The following VPS13B variants were observed in gnomAD, a reference collection of about 807,000 sequenced individuals.
VPS13B encodes the protein intermembrane lipid transfer protein VPS13B.
In VPS13B, 285 loss-of-function variants were observed where a neutral mutation model predicts 426.4. That is an observed-to-expected ratio of 0.67 (90% CI 0.61 to 0.74). The LOEUF (loss-of-function observed/expected upper bound fraction) is 0.74. Ranked by LOEUF, VPS13B falls within the 30% of genes least tolerant of loss-of-function variation. The pLI is 0.00. For synonymous variants in VPS13B, 1,676 were observed against 1,676.4 expected, an observed-to-expected ratio of 1.00 and a Z score of 0.01; for missense variants, 4,537 against 4,782.6, an observed-to-expected ratio of 0.95 and a Z score of 1.51.
chr8:99,631,639 CTCAAATTGT>C (rs1828850974), intron 33 of VPS13B, among the ~76,000 whole-genome samples: 1 of 151,816 alleles, frequency 6.6e-6, no homozygotes, highest in African/African-American at 2.4e-5. Flanking sequence ...CTAAAAAAAA[CTCAAATTGT>C]TCCTGACTCC....
At chr8:99,852,891 G>C (rs961770646) in intron 55 of VPS13B, among the ~76,000 whole-genome samples, 3 of 152,152 alleles carry the variant, frequency 2.0e-5, no homozygotes, top group African/African-American at 4.8e-5. Context: ...AAAGGGGTGT[G>C]AGTTGCTGGA....
intron 2 of VPS13B, among the ~76,000 whole-genome samples, chr8:99,035,656 G>A (rs1312537031): frequency 6.6e-6 from 1 of 152,114 alleles, no homozygotes; most frequent in Non-Finnish European, 1.5e-5. Context: ...ATCTCCTTAA[G>A]ATTTTCTTTT....
chr8:99,332,554 T>G lies in VPS13B; in HGVS notation c.2825-51654T>G, dbSNP rs564774315. On this transcript the variant is annotated intron_variant, in intron 19 of 61. Transcript: ENST00000357162. ...AAGAGGTACAGTGTGGAAAGGATGT[T>G]TATGGTGATTTACTTGTAAAGTAAA... is the stretch of plus-strand genomic sequence containing the variant. Among the ~76,000 whole-genome samples the G allele has an allele frequency of 7.3e-5, 11 of 151,676 alleles. No homozygotes were observed. The Middle Eastern group carries it at 0.01, about 141-fold the overall frequency.
intron 33 of VPS13B, among the ~76,000 whole-genome samples, chr8:99,618,637 G>A (rs1291467500): frequency 6.6e-6 from 1 of 152,122 alleles, no homozygotes; most frequent in African/African-American, 2.4e-5. Flanking sequence ...GAAAACTGCC[G>A]ATGCTGCTAA....
intron 43 of VPS13B, among the ~76,000 whole-genome samples, chr8:99,790,725 GATAT>G (rs1169979354): frequency 6.6e-6 from 1 of 152,154 alleles, no homozygotes; most frequent in Non-Finnish European, 1.5e-5. Flanking sequence ...AGACAGAAGG[GATAT>G]TTGTATTACA....
rs538080519 is a variant in VPS13B, at chr8:99,696,994, A to G, written c.6047-2531A>G. On this transcript the variant is annotated intron_variant, in intron 35 of 61. Coordinates refer to ENST00000357162, the MANE Select transcript of VPS13B (RefSeq NM_152564.5). Reference sequence around the variant, plus strand: ...AAGGGGCTGCAGCCGGCGTGTGGGAAGTGAGGTATGTGGGCCCTCCGCCTC... The same window carrying G: ...AAGGGGCTGCAGCCGGCGTGTGGGAGGTGAGGTATGTGGGCCCTCCGCCTC... 9.5e-5 allele frequency: 58 copies of G among 609,244 alleles called. No homozygotes were observed. In the African/African-American group the frequency reaches 1.0e-3, roughly 11 times the overall value. The allele number at this position is 609,244 out of a possible 1,614,324, so 37.7% of individuals were successfully genotyped here.
chr8:99,241,444 G>A (rs1221071016), intron 17 of VPS13B: 2 of 152,088 alleles, frequency 1.3e-5, no homozygotes, highest in African/African-American at 2.4e-5. Flanking sequence ...CCCAATTTAT[G>A]AATACTGAAA....
chr8:99,091,220 G>C (rs1846130188), intron 3 of VPS13B, among the ~76,000 whole-genome samples: 1 of 152,102 alleles, frequency 6.6e-6, no homozygotes, highest in African/African-American at 2.4e-5. Context: ...TGAGTAGCAT[G>C]GGTCTCAGAG....
At chr8:99,240,873 T>C (rs1816897102) in intron 17 of VPS13B, 1 of 152,678 alleles carries the variant, frequency 6.5e-6, no homozygotes, top group Non-Finnish European at 1.5e-5. Context: ...GTTGTAGGGA[T>C]GACTAATCCA....
intron 39 of VPS13B, among the ~76,000 whole-genome samples, chr8:99,740,199 G>A (rs576858011): frequency 1.6e-4 from 24 of 152,270 alleles, no homozygotes; most frequent in African/African-American, 5.1e-4. Context: ...TAGCTGATTC[G>A]ATCAACTGGA....
chr8:99,254,986 G>A (rs865789574), intron 17 of VPS13B, among the ~76,000 whole-genome samples: 4 of 152,122 alleles, frequency 2.6e-5, no homozygotes, highest in Middle Eastern at 3.4e-3. Flanking sequence ...GGACTCTGAT[G>A]ACTTGAAAGG....
In VPS13B at chr8:99,871,265, G is replaced by C. The variant is rs1817395240; in HGVS notation, c.11496-183G>C. 3.3e-6 allele frequency: 3 copies of C among 914,600 alleles called. No individual in the cohort carries two copies. The South Asian group carries it at 4.7e-5, about 14-fold the overall frequency. The allele number at this position is 914,600 out of a possible 1,614,324, so 56.7% of individuals were successfully genotyped here. On this transcript the variant is annotated intron_variant, in intron 60 of 61. Coordinates refer to ENST00000357162, the MANE Select transcript of VPS13B (RefSeq NM_152564.5). ...GGGAAATCTTTGTTCCCAGGAGGAA[G>C]CAGGTTCTGTTAATCAGAATCAGTC...
intron 39 of VPS13B, among the ~76,000 whole-genome samples, chr8:99,742,016 G>A (rs1282024709): frequency 2.6e-5 from 4 of 152,034 alleles, no homozygotes; most frequent in East Asian, 1.9e-4. Context: ...AAACCCTTCA[G>A]AAAATCAATG....
intron 33 of VPS13B, among the ~76,000 whole-genome samples, chr8:99,631,011 GT>G (rs1477765683): frequency 6.6e-6 from 1 of 152,072 alleles, no homozygotes; most frequent in East Asian, 1.9e-4. Context: ...GATAGGTGAT[GT>G]TTTTGGTAAA....
At chr8:99,571,774 C>A (rs1825489946) in intron 31 of VPS13B, among the ~76,000 whole-genome samples, 1 of 152,180 alleles carries the variant, frequency 6.6e-6, no homozygotes, top group African/African-American at 2.4e-5. Context: ...CTCTCAGGAT[C>A]TCAACCCTTC....
chr8:99,591,637 C>T (rs1826680371), intron 33 of VPS13B, among the ~76,000 whole-genome samples: 2 of 152,088 alleles, frequency 1.3e-5, no homozygotes, highest in Non-Finnish European at 2.9e-5. Context: ...ATATGAAATT[C>T]TGGGTTGAAA....
At chr8:99,513,131 A>T (rs1193078751) in intron 29 of VPS13B, among the ~76,000 whole-genome samples, 1 of 151,458 alleles carries the variant, frequency 6.6e-6, no homozygotes, top group Non-Finnish European at 1.5e-5. Flanking sequence ...TATATAATAT[A>T]AAAAATTCTA....
chr8:99,139,529 C>T lies in VPS13B; in HGVS notation c.1651+2777C>T, dbSNP rs529367218. Among the ~76,000 whole-genome samples the T allele has an allele frequency of 2.6e-5, 4 of 151,860 alleles. No homozygotes were observed. The East Asian group carries it at 5.8e-4, about 22-fold the overall frequency. ...CTCGACTCACTGCAAGCTCCGCCTC[C>T]CGGGTTCATGCCATTCTCCTGCCTC... On this transcript the variant is annotated intron_variant, in intron 12 of 61. Coordinates refer to ENST00000357162, the MANE Select transcript of VPS13B (RefSeq NM_152564.5).
chr8:99,266,213 A>C (rs1476233188), intron 17 of VPS13B, among the ~76,000 whole-genome samples: 1 of 151,978 alleles, frequency 6.6e-6, no homozygotes, highest in Non-Finnish European at 1.5e-5. Flanking sequence ...GTGGAAAAAG[A>C]ATTAGGGTTA....
Sources: allele counts gnomAD v4.1 joint callset (sites outside exome capture counted in the v4.1 genomes callset), GRCh38; gene constraint gnomAD v4.1.1; transcripts MANE v1.5; gene names NCBI Gene and HGNC (gene_info 2026-07-23, HGNC 2026-07-21).